The following QRICH1 variants were observed in gnomAD, a reference collection of about 807,000 sequenced individuals.
QRICH1 encodes the protein glutamine rich 1.
QRICH1 carries 16 observed loss-of-function variants against 87.1 expected under a neutral mutation model. That is an observed-to-expected ratio of 0.18 (90% CI 0.12 to 0.28). The LOEUF (loss-of-function observed/expected upper bound fraction) is 0.28. QRICH1 is among the 10% of genes least tolerant of loss of function. The pLI, the probability that QRICH1 is intolerant of heterozygous loss-of-function variation, is 1.00. For missense variants in QRICH1, 647 were observed against 951.7 expected (o/e 0.68, Z 4.21); for synonymous variants, 367 against 368.4 (o/e 1.00, Z 0.05).
intron 6 of QRICH1, among the ~76,000 whole-genome samples, chr3:49,040,561 G>A (rs938270772): frequency 6.6e-6 from 1 of 152,060 alleles, no homozygotes; most frequent in African/African-American, 2.4e-5. Context: ...TATATTCTCC[G>A]GCACCTAGCA....
intron 3 of QRICH1, among the ~76,000 whole-genome samples, chr3:49,050,998 A>AC (rs1391910579): frequency 6.6e-6 from 1 of 152,106 alleles, no homozygotes; most frequent in Non-Finnish European, 1.5e-5. Context: ...GTCACCAATT[A>AC]CCGTCTTGCT....
At chr3:49,085,316 G>A (rs1450942895) in intron 1 of QRICH1, among the ~76,000 whole-genome samples, 1 of 151,290 alleles carries the variant, frequency 6.6e-6, no homozygotes, top group African/African-American at 2.4e-5. Context: ...GAGGCAGGCG[G>A]ATCACCAGGT....
chr3:49,053,965 A>G (rs371270658), intron 3 of QRICH1, among the ~76,000 whole-genome samples: 106 of 152,294 alleles, frequency 7.0e-4, no homozygotes, highest in Middle Eastern at 3.4e-3. Context: ...CAGAGCCTGC[A>G]TAAGAGGGGA....
rs1432165229 is a variant in QRICH1 at position 49,087,984 on chromosome 3, C to T, written c.-22+5928G>A. Reference sequence around the variant, plus strand: ...TTTTTTTTTTTGAGACAGAGTCTCACTCTGTCACCCAGGCTGGAATGCAGT... The same window carrying T: ...TTTTTTTTTTTGAGACAGAGTCTCATTCTGTCACCCAGGCTGGAATGCAGT... On this transcript the variant is annotated intron_variant, in intron 1 of 9. Transcript: ENST00000395443. Among the ~76,000 whole-genome samples the T allele has an allele frequency of 1.3e-5, 2 of 149,276 alleles. 1 individual carries two copies. The highest frequency in any genetic ancestry group is 4.9e-5 in the African/African-American group (2 of 40,468).
chr3:49,069,586 G>C (rs145657289), intron 2 of QRICH1, among the ~76,000 whole-genome samples: 1 of 134,360 alleles, frequency 7.4e-6, no homozygotes, highest in African/African-American at 2.8e-5. Context: ...ATTCTCAAGC[G>C]ATCCTTCCAC....
intron 6 of QRICH1, among the ~76,000 whole-genome samples, chr3:49,039,618 C>CAAAA (rs899570014): frequency 0.012 from 196 of 15,746 alleles, no homozygotes; most frequent in Middle Eastern, 0.036. Flanking sequence ...GACTCCATCT[C>CAAAA]AAAAAAAAAA....
chr3:49,063,794 CA>C (rs1379194039), intron 2 of QRICH1, among the ~76,000 whole-genome samples: 3 of 152,180 alleles, frequency 2.0e-5, no homozygotes, highest in Admixed American at 1.3e-4. Flanking sequence ...ACTCTAACAC[CA>C]AAAAACTTGA....
chr3:49,048,094 G>C (rs190126844), intron 3 of QRICH1, among the ~76,000 whole-genome samples: 37 of 150,946 alleles, frequency 2.5e-4, no homozygotes, highest in Admixed American at 1.5e-3. Flanking sequence ...TATTCTGATT[G>C]AAAAGGGTAG....
At chr3:49,043,007 T>C (rs1250309160) in intron 6 of QRICH1, among the ~76,000 whole-genome samples, 2 of 152,148 alleles carry the variant, frequency 1.3e-5, no homozygotes, top group South Asian at 2.1e-4. Context: ...CACAATAATA[T>C]AGTTCATAGC....
intron 6 of QRICH1, among the ~76,000 whole-genome samples, chr3:49,043,965 C>T (rs1412026165): frequency 6.6e-6 from 1 of 152,176 alleles, no homozygotes. Context: ...CATACCAAGA[C>T]CATGTTTTTT....
At chr3:49,055,380 T>C (rs896799103) in intron 3 of QRICH1, among the ~76,000 whole-genome samples, 1 of 152,098 alleles carries the variant, frequency 6.6e-6, no homozygotes, top group Non-Finnish European at 1.5e-5. Flanking sequence ...GGACCAGATA[T>C]TTTACCAATC....
chr3:49,036,398 C>T (rs1258204505), intron 6 of QRICH1, among the ~76,000 whole-genome samples: 1 of 152,092 alleles, frequency 6.6e-6, no homozygotes, highest in East Asian at 1.9e-4. Context: ...TACACTAGAA[C>T]AAGAAATGTC....
intron 1 of QRICH1, among the ~76,000 whole-genome samples, chr3:49,079,585 AAG>A (rs2042020059): frequency 6.6e-6 from 1 of 151,606 alleles, no homozygotes; most frequent in Non-Finnish European, 1.5e-5. Context: ...ATCACACATA[AAG>A]AGAGCATCAG....
chr3:49,087,383 CT>C (rs759596558), intron 1 of QRICH1, among the ~76,000 whole-genome samples: 3 of 151,594 alleles, frequency 2.0e-5, no homozygotes, highest in Non-Finnish European at 4.4e-5. Flanking sequence ...GAAACCCTGT[CT>C]CTACTAAAAA....
intron 3 of QRICH1, among the ~76,000 whole-genome samples, chr3:49,051,468 C>A (rs143763599): frequency 2.0e-5 from 3 of 151,234 alleles, no homozygotes; most frequent in Admixed American, 6.6e-5. Flanking sequence ...CTCTATAGAC[C>A]CACTTCTCAT....
intron 2 of QRICH1, among the ~76,000 whole-genome samples, chr3:49,058,937 T>C (rs2093418621): frequency 1.3e-5 from 2 of 150,516 alleles, no homozygotes; most frequent in Admixed American, 1.3e-4. Context: ...ATTTTAAAAA[T>C]TGTTTTTGAA....
chr3:49,058,040 G>T (rs558994551), intron 2 of QRICH1, 150 bp from the exon 3 acceptor site: 5 of 1,347,126 alleles, frequency 3.7e-6, no homozygotes, highest in Non-Finnish European at 5.1e-6. Flanking sequence ...GACACAATAC[G>T]TAAGACTAGA....
At chr3:49,055,251 T>C (rs2093394481) in intron 3 of QRICH1, among the ~76,000 whole-genome samples, 1 of 152,136 alleles carries the variant, frequency 6.6e-6, no homozygotes, top group South Asian at 2.1e-4. Flanking sequence ...TGCAGTCCCT[T>C]ATCTAACTTG....
chr3:49,088,992 T>G (rs2042222391), intron 1 of QRICH1, among the ~76,000 whole-genome samples: 1 of 152,072 alleles, frequency 6.6e-6, no homozygotes, highest in African/African-American at 2.4e-5. Context: ...ATTAGGCCAT[T>G]TATATGCCCC....
Sources: allele counts gnomAD v4.1 joint callset (sites outside exome capture counted in the v4.1 genomes callset), GRCh38; gene constraint gnomAD v4.1.1; transcripts MANE v1.5; gene names NCBI Gene and HGNC (gene_info 2026-07-23, HGNC 2026-07-21).